SIPA1L3: variants seen among roughly 807,000 people sequenced by gnomAD.
SIPA1L3 encodes the protein signal-induced proliferation-associated 1-like protein 3.
SIPA1L3 carries 59 observed loss-of-function variants against 150.1 expected under a neutral mutation model. That is an observed-to-expected ratio of 0.39 (90% CI 0.32 to 0.49). The LOEUF (loss-of-function observed/expected upper bound fraction) is 0.49. Among genes scored for constraint, SIPA1L3 ranks in the 20% least tolerant of loss-of-function variants. The pLI, the probability that SIPA1L3 is intolerant of heterozygous loss-of-function variation, is 0.86. For synonymous variants in SIPA1L3, 1,070 were observed against 1,077.6 expected (o/e 0.99, Z 0.14); for missense variants, 2,211 against 2,489.5 (o/e 0.89, Z 2.38).
chr19:38,116,538 A>AGAAAG (rs1555788499), intron 8 of SIPA1L3, among the ~76,000 whole-genome samples: 4 of 142,078 alleles, frequency 2.8e-5, no homozygotes, highest in African/African-American at 1.1e-4. Flanking sequence ...AAAAAAAAAA[A>AGAAAG]AAAGAAAGAA....
chr19:38,195,000 G>A (rs951193497), intron 18 of SIPA1L3, among the ~76,000 whole-genome samples: 5 of 152,000 alleles, frequency 3.3e-5, no homozygotes, highest in African/African-American at 1.2e-4. Flanking sequence ...GCAGTGAGCT[G>A]AGATCAAGCC....
chr19:38,130,570 G>A lies in SIPA1L3; in HGVS notation c.2941G>A (p.Val981Met), dbSNP rs760439048. 6.2e-6 allele frequency: 10 copies of A among 1,613,708 alleles called. No homozygotes were observed. Among genetic ancestry groups the A allele is most frequent in the South Asian group, 1.1e-5 (1 of 91,082 alleles). The change falls in exon 10 of 22, where the codon GTG becomes ATG. Residue 981 changes from valine (V) to methionine (M), a missense_variant. By Grantham distance (21) the Val-to-Met change is conservative. Around this residue, in one of 5 missense-constraint regions of SIPA1L3, gnomAD observed 625 missense variants for 804.2 expected, o/e 0.78. Transcript: ENST00000222345. ...CGGGCTCGGGCAGCTGGGCTTCCAC[G>A]TGAAGTACGACGGCACGGTGGCCGA... is the stretch of plus-strand genomic sequence containing the variant. ...RNGLGQLGFH[V>M]KYDGTVAEVE...
At chr19:38,063,403 C>T (rs1969498753) in intron 2 of SIPA1L3, among the ~76,000 whole-genome samples, 1 of 152,218 alleles carries the variant, frequency 6.6e-6, no homozygotes, top group African/African-American at 2.4e-5. Context: ...ATAAGCAGAG[C>T]CGGAGCCACC....
At position 38,082,728 on chromosome 19, in the gene SIPA1L3, G is replaced by A. The variant is rs1970031113; in HGVS notation, c.1163G>A (p.Arg388Gln). 1 of 1,611,950 alleles carries A rather than the reference G, an allele frequency of 6.2e-7. No homozygotes were observed. The highest frequency in any genetic ancestry group is 1.7e-4 in the Middle Eastern group (1 of 6,058). The change falls in exon 3 of 22, where the codon CGG (arginine) becomes CAG (glutamine). Residue 388 changes from arginine (R) to glutamine (Q), a missense_variant. Transcript: ENST00000222345. ...GCCATGGCCTCCCTCACGGCCTCGC[G>A]GGCCCACAGCCTCGGAGGCCTGGAC... is the stretch of plus-strand genomic sequence containing the variant. ...ASAMASLTAS[R>Q]AHSLGGLDPA...
intron 19 of SIPA1L3, chr19:38,199,924 A>G (rs1210141125): frequency 1.3e-5 from 2 of 152,178 alleles, no homozygotes; most frequent in African/African-American, 4.8e-5. Flanking sequence ...AAAGACATCT[A>G]GAATTTGATT....
In SIPA1L3 at chr19:37,939,205, C is replaced by T. The variant is rs763405235; in HGVS notation, c.-379+31847C>T. Reference sequence around the variant, plus strand: ...ACTATACCTGTTCTACCCACTGTGCCGTTGCATTTTGGTATCAGATGTATC... The same window carrying T: ...ACTATACCTGTTCTACCCACTGTGCTGTTGCATTTTGGTATCAGATGTATC... On this transcript the variant is annotated intron_variant, in intron 1 of 21. Coordinates refer to ENST00000222345, the MANE Select transcript of SIPA1L3 (RefSeq NM_015073.3). 6.1e-4 allele frequency among the ~76,000 whole-genome samples: 92 copies of T among 151,900 alleles called. 1 individual carries two copies. The highest frequency in any genetic ancestry group is 7.7e-4 in the East Asian group (4 of 5,188).
chr19:38,004,450 T>G (rs1599890971), intron 1 of SIPA1L3, among the ~76,000 whole-genome samples: 1 of 152,204 alleles, frequency 6.6e-6, no homozygotes, highest in Admixed American at 6.5e-5. Flanking sequence ...GGCTGGCTGG[T>G]CCAGGAGCCT....
intron 15 of SIPA1L3, among the ~76,000 whole-genome samples, chr19:38,177,908 C>T (rs1972471995): frequency 1.3e-5 from 2 of 152,108 alleles, no homozygotes; most frequent in South Asian, 2.1e-4. Flanking sequence ...TGCCTATAAT[C>T]CCAGCTACTC....
chr19:37,974,513 CAAA>C (rs11359136), intron 1 of SIPA1L3, among the ~76,000 whole-genome samples: 8 of 131,514 alleles, frequency 6.1e-5, no homozygotes, highest in Non-Finnish European at 8.4e-5. Context: ...GACCGTGTCT[CAAA>C]AAAAAAAAAA....
At chr19:38,135,897 A>T (rs1971424022) in intron 10 of SIPA1L3, among the ~76,000 whole-genome samples, 1 of 151,924 alleles carries the variant, frequency 6.6e-6, no homozygotes, top group African/African-American at 2.4e-5. Context: ...GTGAGCTCTG[A>T]GGCGAGCAGT....
Position 38,130,508 on chromosome 19 carries a change from G to A in SIPA1L3, c.2879G>A (p.Ser960Asn), listed in dbSNP as rs1971280350. The change falls in exon 10 of 22, where the codon AGT (serine) becomes AAT (asparagine). Residue 960 changes from serine to asparagine, a missense_variant. Physicochemically the swap from Ser to Asn is conservative, Grantham distance 46. Transcript: ENST00000222345. ...EIVQRLKVMT[S>N]GWETVDMTLR... The stretch of plus-strand genomic sequence containing the variant: ...GCCTGTGGCCTGCAGGTGATGACCA[G>A]TGGCTGGGAGACGGTGGACATGACG... 1 of 1,611,522 alleles carries A rather than the reference G, an allele frequency of 6.2e-7. No homozygotes were observed. The highest frequency in any genetic ancestry group is 8.5e-7 in the Non-Finnish European group (1 of 1,179,176).
chr19:38,038,431 A>T (rs1429002687), intron 2 of SIPA1L3, among the ~76,000 whole-genome samples: 1 of 152,072 alleles, frequency 6.6e-6, no homozygotes, highest in Admixed American at 6.5e-5. Context: ...CTCTACTAAA[A>T]ATACAAAAAT....
rs1973152991 is a variant in SIPA1L3, at chr19:38,204,171, A to C, written c.5165A>C (p.Glu1722Ala). The C allele has an allele frequency of 6.4e-7, 1 of 1,559,600 alleles. No individual in the cohort carries two copies. The highest frequency in any genetic ancestry group is 1.2e-5 in the South Asian group (1 of 84,892). Reference protein sequence around the residue: ...LDLTGKVYQLEVMLKQLHTDL... With the variant: ...LDLTGKVYQLAVMLKQLHTDL... ...CTGACAGGCAAGGTGTACCAGCTGG[A>C]GGTGATGCTGAAACAGCTGCACACT... Residue 1722 changes from glutamate to alanine, a missense_variant, in exon 21 of 22, where the codon GAG (glutamate) becomes GCG (alanine). Physicochemically the swap from Glu to Ala is moderately radical, Grantham distance 107. Around this residue, in one of 5 missense-constraint regions of SIPA1L3, gnomAD observed 63 missense variants for 106.1 expected, o/e 0.59. Transcript: ENST00000222345.
chr19:37,981,917 C>T (rs1967211548), intron 1 of SIPA1L3, among the ~76,000 whole-genome samples: 1 of 152,198 alleles, frequency 6.6e-6, no homozygotes, highest in South Asian at 2.1e-4. Context: ...TCGCCTCCCA[C>T]ACAGAATATA....
At chr19:38,106,708 C>A in intron 7 of SIPA1L3, 68 bp downstream of exon 7, 1 of 1,051,240 alleles carries the variant, frequency 9.5e-7, no homozygotes, top group Non-Finnish European at 1.5e-6. Context: ...TTGGCCCTCC[C>A]AGTTCTGTCC....
chr19:38,027,542 A>G, intron 1 of SIPA1L3, among the ~76,000 whole-genome samples: 1 of 152,060 alleles, frequency 6.6e-6, no homozygotes, highest in East Asian at 1.9e-4. Flanking sequence ...TTTGGACATT[A>G]TGGTATTGGG....
chr19:38,081,455 A>T lies in SIPA1L3; in HGVS notation c.-111A>T. The T allele has an allele frequency of 9.6e-7, 1 of 1,041,112 alleles. No individual in the cohort carries two copies. Among genetic ancestry groups the T allele is most frequent in the Non-Finnish European group, 1.4e-6 (1 of 724,224 alleles). The allele number at this position is 1,041,112 out of a possible 1,614,324, so 64.5% of individuals were successfully genotyped here. Reference sequence around the variant, plus strand: ...ACCTTCCTGTCAGGTTTCAGGGCCCAGCATCCTTCATCCTGGGCCTGGCTG... The same window carrying T: ...ACCTTCCTGTCAGGTTTCAGGGCCCTGCATCCTTCATCCTGGGCCTGGCTG... On this transcript the variant is annotated 5_prime_UTR_variant, in exon 3 of 22. Coordinates refer to ENST00000222345, the MANE Select transcript of SIPA1L3 (RefSeq NM_015073.3).
chr19:38,014,043 A>G (rs906999842), intron 1 of SIPA1L3, among the ~76,000 whole-genome samples: 5 of 152,272 alleles, frequency 3.3e-5, no homozygotes, highest in Non-Finnish European at 7.3e-5. Flanking sequence ...TGGCCTGCTC[A>G]GCCCGGCATT....
At chr19:38,092,874 T>C (rs1440844078) in intron 4 of SIPA1L3, among the ~76,000 whole-genome samples, 155 of 123,292 alleles carry the variant, frequency 1.3e-3, no homozygotes, top group African/African-American at 3.8e-3. Flanking sequence ...TTTTTTTTTT[T>C]CCCGAGACGG....
Sources: allele counts gnomAD v4.1 joint callset (sites outside exome capture counted in the v4.1 genomes callset), GRCh38; gene constraint gnomAD v4.1.1; regional missense constraint gnomAD v4.1.1; transcripts MANE v1.5; gene names NCBI Gene and HGNC (gene_info 2026-07-23, HGNC 2026-07-21).